Variants in R3HCC1L observed in about 807,000 individuals in gnomAD.
R3HCC1L encodes R3H domain and coiled-coil containing 1 like.
In R3HCC1L, 51 loss-of-function variants were observed where a neutral mutation model predicts 59.9. That is an observed-to-expected ratio of 0.85 (90% CI 0.68 to 1.07). The LOEUF (loss-of-function observed/expected upper bound fraction) is 1.07, where lower values mean the gene tolerates loss of function less well. Among genes scored for constraint, R3HCC1L ranks in the 50% least tolerant of loss-of-function variants. The pLI is 0.00. For missense variants in R3HCC1L, 965 were observed against 933.0 expected (o/e 1.03, Z -0.45); for synonymous variants, 322 against 315.2 (o/e 1.02, Z -0.23).
At chr10:98,174,404 CA>C in intron 4 of R3HCC1L, 1 of 506,512 alleles carries the variant, frequency 2.0e-6, no homozygotes, top group Non-Finnish European at 2.5e-6. Context: ...AATTTAAAAT[CA>C]GTTCTTACAT....
At chr10:98,139,080 C>A (rs956031871) in intron 1 of R3HCC1L, among the ~76,000 whole-genome samples, 5 of 152,040 alleles carry the variant, frequency 3.3e-5, no homozygotes, top group Non-Finnish European at 7.4e-5. Context: ...TTGACTGTGA[C>A]CATGGAACCT....
intron 5 of R3HCC1L, among the ~76,000 whole-genome samples, chr10:98,222,639 A>G (rs570931948): frequency 2.0e-3 from 308 of 152,172 alleles, no homozygotes; most frequent in African/African-American, 6.6e-3. Context: ...TGAGATAATC[A>G]TGTGGTTTTT....
At chr10:98,186,569 G>C in intron 4 of R3HCC1L, 1 of 921,428 alleles carries the variant, frequency 1.1e-6, no homozygotes, top group Non-Finnish European at 1.3e-6. Flanking sequence ...CTAAGGTAGT[G>C]ACCATTGCCA....
intron 2 of R3HCC1L, among the ~76,000 whole-genome samples, chr10:98,162,368 T>C (rs1394421509): frequency 6.6e-6 from 1 of 152,194 alleles, no homozygotes; most frequent in Non-Finnish European, 1.5e-5. Flanking sequence ...CTGAAACATA[T>C]TGTTAACAGC....
intron 4 of R3HCC1L, among the ~76,000 whole-genome samples, chr10:98,194,181 G>A (rs188462892): frequency 1.3e-3 from 197 of 152,056 alleles, no homozygotes; most frequent in Middle Eastern, 6.8e-3. Flanking sequence ...ATAAACCCAC[G>A]TATAGTCAAA....
intron 4 of R3HCC1L, chr10:98,174,681 A>G (rs1352194103): frequency 2.0e-5 from 20 of 984,732 alleles, no homozygotes; most frequent in Non-Finnish European, 2.4e-5. Context: ...CATCCTGCCC[A>G]GAATGGAGAC....
rs766343555 is a variant in R3HCC1L at position 98,209,399 on chromosome 10, A to G, written c.1285A>G (p.Arg429Gly). Residue 429 changes from arginine to glycine, a missense_variant, in exon 5 of 10, where the codon AGA (arginine) becomes GGA (glycine). Transcript: ENST00000298999. Reference protein sequence around the residue: ...SADATPLHVARSGNDTEDFSN... With the variant: ...SADATPLHVAGSGNDTEDFSN... ...AGATGCAACCCCTCTTCATGTAGCT[A>G]GAAGTGGGAATGACACTGAAGATTT... 10 of 1,613,724 alleles carry G rather than the reference A, an allele frequency of 6.2e-6. No individual in the cohort carries two copies. Among genetic ancestry groups the G allele is most frequent in the Non-Finnish European group, 7.6e-6 (9 of 1,179,964 alleles).
chr10:98,168,734 T>C (rs564472222), intron 4 of R3HCC1L, among the ~76,000 whole-genome samples: 2 of 152,342 alleles, frequency 1.3e-5, no homozygotes, highest in South Asian at 2.1e-4. Context: ...CATCTGCAGT[T>C]GGTATTTGAT....
At chr10:98,196,406 T>C (rs913408165) in intron 4 of R3HCC1L, among the ~76,000 whole-genome samples, 1 of 152,172 alleles carries the variant, frequency 6.6e-6, no homozygotes, top group Non-Finnish European at 1.5e-5. Context: ...CAGTTCGTCC[T>C]ACTTGACCTT....
chr10:98,136,251 A>T (rs1844574696), intron 1 of R3HCC1L, among the ~76,000 whole-genome samples: 1 of 152,188 alleles, frequency 6.6e-6, no homozygotes, highest in Admixed American at 6.5e-5. Flanking sequence ...AGAATACTTG[A>T]AAATGGTCCA....
intron 4 of R3HCC1L, among the ~76,000 whole-genome samples, chr10:98,203,539 G>A (rs1852278133): frequency 6.6e-6 from 1 of 152,158 alleles, no homozygotes; most frequent in African/African-American, 2.4e-5. Context: ...AATATCAGAT[G>A]TCTCATGTGA....
At chr10:98,233,232 A>T (rs1004843893) in intron 6 of R3HCC1L, among the ~76,000 whole-genome samples, 3 of 152,162 alleles carry the variant, frequency 2.0e-5, no homozygotes, top group African/African-American at 7.2e-5. Context: ...ACTCTTACAA[A>T]CTATTTACTT....
Position 98,244,227 on chromosome 10 carries a change from C to A in R3HCC1L, c.*69C>A. The A allele has an allele frequency of 7.0e-7, 1 of 1,430,566 alleles. No homozygotes were observed. Among genetic ancestry groups the A allele is most frequent in the Non-Finnish European group, 9.8e-7 (1 of 1,016,756 alleles). 88.6% of individuals were successfully genotyped at this position (1,430,566 alleles called of 1,614,324 possible). A position where few individuals can be genotyped will look rare whatever the true frequency, so the allele number is the denominator to read the frequency against. On this transcript the variant is annotated 3_prime_UTR_variant, in exon 10 of 10. Coordinates refer to ENST00000298999, the MANE Select transcript of R3HCC1L (RefSeq NM_001351015.2). ...TTCCATAGCCTTCAGATAAGATGATCCTTCCAGAGCTCTATGTACATGCAG... is the reference window on the plus strand; with the variant it reads ...TTCCATAGCCTTCAGATAAGATGATACTTCCAGAGCTCTATGTACATGCAG...
At chr10:98,225,518 A>C (rs535959381) in intron 5 of R3HCC1L, among the ~76,000 whole-genome samples, 1 of 152,228 alleles carries the variant, frequency 6.6e-6, no homozygotes, top group South Asian at 2.1e-4. Context: ...TGATCTCAAC[A>C]ATATCAGTAC....
At chr10:98,181,915 CT>C (rs1240549676) in intron 4 of R3HCC1L, among the ~76,000 whole-genome samples, 1 of 152,146 alleles carries the variant, frequency 6.6e-6, no homozygotes, top group African/African-American at 2.4e-5. Context: ...TTTATCTAAT[CT>C]TTTTTTCAAG....
At chr10:98,162,345 C>A (rs1234004018) in intron 2 of R3HCC1L, among the ~76,000 whole-genome samples, 1 of 152,122 alleles carries the variant, frequency 6.6e-6, no homozygotes, top group Non-Finnish European at 1.5e-5. Flanking sequence ...GGTCTTTTGA[C>A]ACATAAAAGT....
intron 6 of R3HCC1L, among the ~76,000 whole-genome samples, chr10:98,232,799 A>C (rs1856536716): frequency 6.6e-6 from 1 of 152,236 alleles, no homozygotes; most frequent in African/African-American, 2.4e-5. Flanking sequence ...GCAAGCAAAA[A>C]CAATACATAA....
chr10:98,152,177 G>A (rs1846245865), intron 1 of R3HCC1L, among the ~76,000 whole-genome samples: 2 of 152,260 alleles, frequency 1.3e-5, no homozygotes, highest in South Asian at 2.1e-4. Context: ...CTGGTCTCCA[G>A]CTCCTAACCG....
At chr10:98,226,131 T>C (rs982308393) in intron 5 of R3HCC1L, among the ~76,000 whole-genome samples, 5 of 152,202 alleles carry the variant, frequency 3.3e-5, no homozygotes, top group East Asian at 1.9e-4. Context: ...TGTGCCACCA[T>C]GCCTGGCCTG....
Sources: gnomAD v4.1 joint callset for allele counts (sites outside exome capture counted in the v4.1 genomes callset) on GRCh38, gnomAD v4.1.1 for gene constraint, MANE v1.5 for transcripts, NCBI Gene and HGNC (gene_info 2026-07-23, HGNC 2026-07-21) for gene names.